The following PRKCA variants were observed in gnomAD, a reference collection of about 807,000 sequenced individuals.
PRKCA encodes protein kinase C alpha type.
A neutral mutation model predicts 87.0 loss-of-function variants in PRKCA; 27 were observed. The ratio of observed to expected loss-of-function variants is 0.31; its 90% confidence interval spans 0.23 to 0.43. The LOEUF (loss-of-function observed/expected upper bound fraction) is 0.43. PRKCA is among the 20% of genes least tolerant of loss of function. The probability of loss-of-function intolerance (pLI) is 1.00; values close to 1 mark genes in which losing one functional copy is unlikely to be tolerated. For synonymous variants in PRKCA, 329 were observed against 311.1 expected, an observed-to-expected ratio of 1.06 and a Z score of -0.61; for missense variants, 518 against 852.3, an observed-to-expected ratio of 0.61 and a Z score of 4.88.
intron 3 of PRKCA, 94 bp from the exon 4 acceptor site, chr17:66,641,261 T>G: frequency 2.6e-6 from 2 of 780,946 alleles, no homozygotes; most frequent in Admixed American, 4.3e-5. Context: ...AACCTTGACT[T>G]GGGGCTGGGG....
chr17:66,721,550 C>T (rs539329206), intron 8 of PRKCA, among the ~76,000 whole-genome samples: 1 of 152,206 alleles, frequency 6.6e-6, no homozygotes, highest in Non-Finnish European at 1.5e-5. Flanking sequence ...ATTCCCAGCA[C>T]TGAGGGGTCC....
chr17:66,372,013 T>G lies in PRKCA; in HGVS notation c.205+65886T>G, dbSNP rs140897266. On this transcript the variant is annotated intron_variant, in intron 2 of 16. Coordinates refer to ENST00000413366, the MANE Select transcript of PRKCA (RefSeq NM_002737.3). ...TCTGAAGTTGAAAAGATTTAAAATG[T>G]GGATGGAAACTTCAGGGATGGGGGT... Among the ~76,000 whole-genome samples the G allele has an allele frequency of 2.4e-3, 372 of 152,322 alleles. 3 individuals carry two copies. Among genetic ancestry groups the G allele is most frequent in the Non-Finnish European group, 2.1e-3 (145 of 68,022 alleles).
At chr17:66,692,725 G>T (rs1220028109) in intron 8 of PRKCA, among the ~76,000 whole-genome samples, 5 of 152,106 alleles carry the variant, frequency 3.3e-5, no homozygotes, top group African/African-American at 1.2e-4. Flanking sequence ...CCAACTAACT[G>T]CCATTCTAAC....
intron 2 of PRKCA, among the ~76,000 whole-genome samples, chr17:66,463,242 C>T (rs1353923004): frequency 6.6e-6 from 1 of 152,082 alleles, no homozygotes; most frequent in African/African-American, 2.4e-5. Flanking sequence ...TCTCTGAAAC[C>T]GTAAGAAAAG....
chr17:66,650,335 ATAT>A (rs1325047633), intron 5 of PRKCA, among the ~76,000 whole-genome samples: 1 of 147,602 alleles, frequency 6.8e-6, no homozygotes, highest in African/African-American at 2.5e-5. Flanking sequence ...GGTGGTGCTG[ATAT>A]TATCAGAATG....
intron 2 of PRKCA, among the ~76,000 whole-genome samples, chr17:66,461,147 G>A (rs1366846051): frequency 6.7e-6 from 1 of 150,098 alleles, no homozygotes; most frequent in Non-Finnish European, 1.5e-5. Flanking sequence ...TCGAGGCTGC[G>A]GTACGCTATG....
intron 2 of PRKCA, among the ~76,000 whole-genome samples, chr17:66,347,173 A>T (rs1275175564): frequency 6.6e-6 from 1 of 152,308 alleles, no homozygotes; most frequent in Non-Finnish European, 1.5e-5. Flanking sequence ...TAATCCCTTT[A>T]TACAGTTACA....
chr17:66,384,823 G>C (rs541621417), intron 2 of PRKCA, among the ~76,000 whole-genome samples: 1 of 151,930 alleles, frequency 6.6e-6, no homozygotes, highest in African/African-American at 2.4e-5. Context: ...GTAGAGACGG[G>C]GTTTCACTGT....
At chr17:66,788,043 A>C (rs1433105478) in intron 15 of PRKCA, among the ~76,000 whole-genome samples, 1 of 152,240 alleles carries the variant, frequency 6.6e-6, no homozygotes, top group African/African-American at 2.4e-5. Context: ...GAAGATATGC[A>C]CACACTTTGG....
chr17:66,317,226 C>T (rs1481116735), intron 2 of PRKCA, among the ~76,000 whole-genome samples: 10 of 152,032 alleles, frequency 6.6e-5, no homozygotes, highest in Non-Finnish European at 1.2e-4. Flanking sequence ...GTTCATGATC[C>T]GTAGTTTATT....
intron 5 of PRKCA, among the ~76,000 whole-genome samples, chr17:66,649,955 G>T (rs1226233477): frequency 2.0e-5 from 3 of 152,172 alleles, no homozygotes; most frequent in Non-Finnish European, 2.9e-5. Context: ...AGAGAGCTCC[G>T]ATTGAGAGAG....
At chr17:66,515,451 G>C (rs576655080) in intron 3 of PRKCA, among the ~76,000 whole-genome samples, 1 of 152,310 alleles carries the variant, frequency 6.6e-6, no homozygotes, top group African/African-American at 2.4e-5. Flanking sequence ...ATGACGTCAT[G>C]ACAGGTTTTG....
intron 3 of PRKCA, among the ~76,000 whole-genome samples, chr17:66,515,642 A>G (rs191475133): frequency 2.3e-4 from 35 of 152,224 alleles, no homozygotes; most frequent in Middle Eastern, 3.4e-3. Flanking sequence ...CTCTGGGCTC[A>G]GGTGATCCTC....
At chr17:66,521,275 A>G (rs1411607334) in intron 3 of PRKCA, among the ~76,000 whole-genome samples, 2 of 152,242 alleles carry the variant, frequency 1.3e-5, no homozygotes, top group African/African-American at 4.8e-5. Flanking sequence ...AAGTCCAAAG[A>G]TGGTAATAAT....
chr17:66,587,810 T>C (rs1969655090), intron 3 of PRKCA, among the ~76,000 whole-genome samples: 2 of 138,076 alleles, frequency 1.4e-5, no homozygotes, highest in African/African-American at 5.4e-5. Context: ...TATATGTGTG[T>C]GTATATGTAT....
intron 3 of PRKCA, chr17:66,554,428 C>A (rs1290193851): frequency 1.1e-5 from 5 of 463,022 alleles, no homozygotes; most frequent in Non-Finnish European, 1.4e-5. Flanking sequence ...CGCTATGACA[C>A]GTTTCTTGTT....
chr17:66,796,136 T>C (rs1975660983), intron 16 of PRKCA, among the ~76,000 whole-genome samples: 1 of 152,168 alleles, frequency 6.6e-6, no homozygotes, highest in Admixed American at 6.5e-5. Context: ...CTCTATATGG[T>C]GAAATGAACA....
intron 3 of PRKCA, among the ~76,000 whole-genome samples, chr17:66,502,305 G>T (rs1357151106): frequency 6.6e-6 from 1 of 151,776 alleles, no homozygotes; most frequent in African/African-American, 2.4e-5. Context: ...CGCGATCTTG[G>T]CTCACTGCAG....
chr17:66,519,045 A>G (rs986579580), intron 3 of PRKCA, among the ~76,000 whole-genome samples: 2 of 152,220 alleles, frequency 1.3e-5, no homozygotes, highest in African/African-American at 2.4e-5. Flanking sequence ...ACACTACACA[A>G]ACATCAGGGT....
Sources: gnomAD v4.1 joint callset for allele counts (sites outside exome capture counted in the v4.1 genomes callset) on GRCh38, gnomAD v4.1.1 for gene constraint, MANE v1.5 for transcripts, NCBI Gene and HGNC (gene_info 2026-07-23, HGNC 2026-07-21) for gene names.